Variants in L3MBTL3 observed in about 807,000 individuals in gnomAD.
L3MBTL3 encodes lethal(3)malignant brain tumor-like protein 3.
L3MBTL3 carries 27 observed loss-of-function variants against 102.3 expected under a neutral mutation model. That is an observed-to-expected ratio of 0.26 (90% CI 0.19 to 0.36). The LOEUF (loss-of-function observed/expected upper bound fraction) is 0.36, where lower values mean the gene tolerates loss of function less well. L3MBTL3 is among the 10% of genes least tolerant of loss of function. The probability of loss-of-function intolerance (pLI) is 1.00; values close to 1 mark genes in which losing one functional copy is unlikely to be tolerated. For synonymous variants in L3MBTL3, 340 were observed against 320.9 expected (o/e 1.06, Z -0.64); for missense variants, 798 against 955.3 (o/e 0.84, Z 2.17).
chr6:130,113,736 A>G (rs1482889693), intron 19 of L3MBTL3, among the ~76,000 whole-genome samples: 1 of 152,234 alleles, frequency 6.6e-6, no homozygotes, highest in African/African-American at 2.4e-5. Flanking sequence ...AGAATTGCAG[A>G]CATCAATCTG....
chr6:130,109,102 A>G (rs1007709801), intron 19 of L3MBTL3, among the ~76,000 whole-genome samples: 10 of 152,188 alleles, frequency 6.6e-5, no homozygotes, highest in African/African-American at 2.2e-4. Context: ...TATCCAGTCT[A>G]TGATTGATGG....
intron 18 of L3MBTL3, among the ~76,000 whole-genome samples, chr6:130,103,264 T>A (rs1046305029): frequency 3.9e-5 from 6 of 152,354 alleles, no homozygotes; most frequent in African/African-American, 1.4e-4. Flanking sequence ...TGATCAGATG[T>A]TATTTGCTTT....
chr6:130,094,232 T>C (rs1784219550), intron 17 of L3MBTL3, 33 bp from the exon 18 acceptor site: 2 of 1,524,892 alleles, frequency 1.3e-6, no homozygotes, highest in Non-Finnish European at 1.8e-6. Flanking sequence ...CTTAATATTT[T>C]GCCCCTTCTT....
rs1780575081 is a variant in L3MBTL3 at position 130,043,831 on chromosome 6, G to C, written c.102+1030G>C. Among the ~76,000 whole-genome samples the C allele has an allele frequency of 2.0e-5, 3 of 152,140 alleles. No homozygotes were observed. In the South Asian group the frequency reaches 6.2e-4, roughly 31 times the overall value. On this transcript the variant is annotated intron_variant, in intron 3 of 22. Coordinates refer to ENST00000361794, the MANE Select transcript of L3MBTL3 (RefSeq NM_032438.4). ...CTGCCTGTCATTGGAAAAATACTTA[G>C]ATTTTAGTTGGGTTGGGTTTAATTA...
intron 10 of L3MBTL3, among the ~76,000 whole-genome samples, 168 bp from the exon 11 acceptor site, chr6:130,066,185 T>G (rs899391114): frequency 6.6e-6 from 1 of 152,014 alleles, no homozygotes; most frequent in Non-Finnish European, 1.5e-5. Flanking sequence ...GCTTTTGTCT[T>G]TAGATTCTGG....
chr6:130,028,388 C>G (rs1241642813), intron 2 of L3MBTL3, among the ~76,000 whole-genome samples: 1 of 152,170 alleles, frequency 6.6e-6, no homozygotes, highest in Non-Finnish European at 1.5e-5. Flanking sequence ...GCTGTAATGA[C>G]TGATTTCATG....
At position 130,140,625 on chromosome 6, in the gene L3MBTL3, T is replaced by C. The variant is rs1462539267; in HGVS notation, c.*872T>C. ...GGGAATGTTTGTGAGGGTCTTGAACTATTTATGAGATGATCTTGAGCTTCT... is the reference window on the plus strand; with the variant it reads ...GGGAATGTTTGTGAGGGTCTTGAACCATTTATGAGATGATCTTGAGCTTCT... On this transcript the variant is annotated 3_prime_UTR_variant, in exon 23 of 23. Coordinates refer to ENST00000361794, the MANE Select transcript of L3MBTL3 (RefSeq NM_032438.4). 1 of 152,220 alleles carries C rather than the reference T, an allele frequency of 6.6e-6. No homozygotes were observed. Among genetic ancestry groups the C allele is most frequent in the African/African-American group, 2.4e-5 (1 of 41,440 alleles). 9.4% of individuals were successfully genotyped at this position (152,220 alleles called of 1,614,324 possible). A position where few individuals can be genotyped will look rare whatever the true frequency, so the allele number is the denominator to read the frequency against.
At chr6:130,055,807 T>C (rs1781465919) in intron 8 of L3MBTL3, among the ~76,000 whole-genome samples, 1 of 151,666 alleles carries the variant, frequency 6.6e-6, no homozygotes, top group Admixed American at 6.6e-5. Flanking sequence ...AGGTTTTTAA[T>C]GTTCCCTCTC....
chr6:130,100,870 C>T (rs138635986), intron 18 of L3MBTL3, among the ~76,000 whole-genome samples: 81 of 152,174 alleles, frequency 5.3e-4, no homozygotes, highest in African/African-American at 1.7e-3. Context: ...AAGAATCCTG[C>T]GAGTCTTCCC....
At chr6:130,088,962 C>T (rs1783861910) in intron 16 of L3MBTL3, among the ~76,000 whole-genome samples, 1 of 151,946 alleles carries the variant, frequency 6.6e-6, no homozygotes, top group African/African-American at 2.4e-5. Context: ...GTAATTTGTT[C>T]ATAGTTTAGT....
chr6:130,066,676 A>G (rs1236785526), intron 11 of L3MBTL3, among the ~76,000 whole-genome samples, 188 bp downstream of exon 11: 1 of 152,228 alleles, frequency 6.6e-6, no homozygotes, highest in African/African-American at 2.4e-5. Flanking sequence ...CTAGGAAAAT[A>G]AAGTATGTTC....
chr6:130,070,509 T>G (rs968133146), intron 12 of L3MBTL3, among the ~76,000 whole-genome samples: 4 of 152,220 alleles, frequency 2.6e-5, no homozygotes, highest in South Asian at 2.1e-4. Flanking sequence ...TTTTGAGAGA[T>G]ATTTTCGGAA....
Position 130,066,501 on chromosome 6 carries a change from T to A in L3MBTL3, c.1000+13T>A. On this transcript the variant is annotated intron_variant, in intron 11 of 22. Coordinates refer to ENST00000361794, the MANE Select transcript of L3MBTL3 (RefSeq NM_032438.4). Reference sequence around the variant, plus strand: ...CATCCTCCAAAAGGTTTTGTCACTTTTTGTTTGATATTTTAAATTCAGTAA... The same window carrying A: ...CATCCTCCAAAAGGTTTTGTCACTTATTGTTTGATATTTTAAATTCAGTAA... The A allele has an allele frequency of 6.2e-7, 1 of 1,603,720 alleles. No homozygotes were observed. The highest frequency in any genetic ancestry group is 8.5e-7 in the Non-Finnish European group (1 of 1,175,612).
intron 1 of L3MBTL3, among the ~76,000 whole-genome samples, chr6:130,019,917 C>G (rs1384583687): frequency 1.4e-5 from 2 of 140,320 alleles, no homozygotes; most frequent in African/African-American, 5.1e-5. Context: ...GGCGTTCGCC[C>G]CGCGCCGTGC....
Position 130,073,796 on chromosome 6 carries a change from GA to G in L3MBTL3, c.1244+2676del, listed in dbSNP as rs1310800592. On this transcript the variant is annotated intron_variant, in intron 13 of 22. Coordinates refer to ENST00000361794, the MANE Select transcript of L3MBTL3 (RefSeq NM_032438.4). ...CTGGGTTCTAAAAATACAAAGAAAA[GA>G]AAAAAATTGATCTCTTTTAACTCGA... 7.2e-5 allele frequency among the ~76,000 whole-genome samples: 11 copies of G among 152,164 alleles called. No individual in the cohort carries two copies. In the East Asian group the frequency reaches 1.5e-3, roughly 21 times the overall value.
chr6:130,114,851 C>A (rs1785560863), intron 19 of L3MBTL3, among the ~76,000 whole-genome samples: 2 of 152,156 alleles, frequency 1.3e-5, no homozygotes. Context: ...GTTTTATTTG[C>A]CATCTTTTTC....
chr6:130,134,870 G>A (rs1394609740), intron 22 of L3MBTL3, among the ~76,000 whole-genome samples: 1 of 152,138 alleles, frequency 6.6e-6, no homozygotes, highest in Non-Finnish European at 1.5e-5. Context: ...TATACTGTTA[G>A]GTATAATTTA....
intron 19 of L3MBTL3, among the ~76,000 whole-genome samples, chr6:130,119,038 A>G (rs372853088): frequency 2.0e-5 from 3 of 152,204 alleles, no homozygotes; most frequent in Non-Finnish European, 2.9e-5. Context: ...AAGGAATAGT[A>G]TACTTTAATA....
rs966576479 is a variant in L3MBTL3, at chr6:130,115,406, A to G, written c.1887-5473A>G. On this transcript the variant is annotated intron_variant, in intron 19 of 22. Transcript: ENST00000361794. ...GCCTCCTTTCCTGCTGGACTTAAAG[A>G]GGTGGCGGAAATCGATAAATCCCTA... Among the ~76,000 whole-genome samples, 3 of 152,186 alleles carry G rather than the reference A, an allele frequency of 2.0e-5. No individual in the cohort carries two copies. In the East Asian group the frequency reaches 5.8e-4, roughly 29 times the overall value.
Sources: allele counts gnomAD v4.1 joint callset (sites outside exome capture counted in the v4.1 genomes callset), GRCh38; gene constraint gnomAD v4.1.1; transcripts MANE v1.5; gene names NCBI Gene and HGNC (gene_info 2026-07-23, HGNC 2026-07-21).